ASIC2: variants seen among roughly 807,000 people sequenced by gnomAD.
The protein encoded by ASIC2 is acid-sensing ion channel 2.
In ASIC2, 25 loss-of-function variants were observed where a neutral mutation model predicts 57.3. That is an observed-to-expected ratio of 0.44 (90% CI 0.32 to 0.61). The LOEUF (loss-of-function observed/expected upper bound fraction) is 0.61. Among genes scored for constraint, ASIC2 ranks in the 20% least tolerant of loss-of-function variants. ASIC2 has a pLI of 0.06. For missense variants in ASIC2, 641 were observed against 738.1 expected (o/e 0.87, Z 1.52); for synonymous variants, 319 against 307.5 (o/e 1.04, Z -0.39).
At chr17:33,886,128 T>A (rs1008500408) in intron 1 of ASIC2, among the ~76,000 whole-genome samples, 1 of 152,230 alleles carries the variant, frequency 6.6e-6, no homozygotes, top group Non-Finnish European at 1.5e-5. Flanking sequence ...AAGACCTATT[T>A]CTCACTTATT....
chr17:33,653,119 C>G (rs1426742635), intron 1 of ASIC2, among the ~76,000 whole-genome samples: 3 of 152,206 alleles, frequency 2.0e-5, no homozygotes, highest in African/African-American at 4.8e-5. Context: ...GCTTTACACG[C>G]TAAGCTTTAT....
At chr17:33,744,414 A>G (rs1372518541) in intron 1 of ASIC2, among the ~76,000 whole-genome samples, 1 of 152,236 alleles carries the variant, frequency 6.6e-6, no homozygotes, top group African/African-American at 2.4e-5. Flanking sequence ...GTAAACAAGC[A>G]TCCAAAGAGA....
chr17:33,352,134 A>G (rs1187378016), intron 1 of ASIC2, among the ~76,000 whole-genome samples: 1 of 152,074 alleles, frequency 6.6e-6, no homozygotes, highest in Non-Finnish European at 1.5e-5. Context: ...CCCTCTGAGC[A>G]TGGTTCCTCA....
chr17:33,257,376 G>A (rs549991085), intron 1 of ASIC2, among the ~76,000 whole-genome samples: 2 of 152,294 alleles, frequency 1.3e-5, no homozygotes, highest in East Asian at 1.9e-4. Flanking sequence ...TCTCAATCAA[G>A]CAATATTTTC....
rs1916648743 is a variant in ASIC2, at chr17:33,577,112, G to T, written c.556-465045C>A. Among the ~76,000 whole-genome samples, 2 of 152,038 alleles carry T rather than the reference G, an allele frequency of 1.3e-5. 1 individual carries two copies. Among genetic ancestry groups the T allele is most frequent in the South Asian group, 4.2e-4 (2 of 4,812 alleles). On this transcript the variant is annotated intron_variant, in intron 1 of 9. Coordinates refer to the ASIC2 transcript ENST00000359872. ...CTTCCTCTGGCCAGAATACCCAACTGCTAGGGCTTGAGAAGACAATGTTGA... is the reference window on the plus strand; with the variant it reads ...CTTCCTCTGGCCAGAATACCCAACTTCTAGGGCTTGAGAAGACAATGTTGA...
chr17:33,545,993 C>G lies in ASIC2; in HGVS notation c.556-433926G>C, dbSNP rs568681881. 1.6e-4 allele frequency among the ~76,000 whole-genome samples: 24 copies of G among 152,144 alleles called. No individual in the cohort carries two copies. In the South Asian group the frequency reaches 4.4e-3, roughly 28 times the overall value. ...TCTGGAATTCTGTTTATGCTTTTGT[C>G]TAGAATTCCTTCTCTTCCTTGTTCC... On this transcript the variant is annotated intron_variant, in intron 1 of 9. Coordinates refer to the ASIC2 transcript ENST00000359872.
intron 1 of ASIC2, among the ~76,000 whole-genome samples, chr17:33,815,260 A>T (rs1434870952): frequency 6.6e-6 from 1 of 152,150 alleles, no homozygotes; most frequent in Non-Finnish European, 1.5e-5. Flanking sequence ...TCTTCCTAGG[A>T]AACTGGCCAA....
At chr17:33,380,264 A>AG (rs1339674927) in intron 1 of ASIC2, among the ~76,000 whole-genome samples, 5 of 147,298 alleles carry the variant, frequency 3.4e-5, no homozygotes, top group African/African-American at 1.0e-4. Context: ...AAAAAAAAAA[A>AG]AAAAGAAAGA....
chr17:33,773,678 A>G (rs1281587135), intron 1 of ASIC2, among the ~76,000 whole-genome samples: 4 of 144,140 alleles, frequency 2.8e-5, no homozygotes, highest in Non-Finnish European at 4.6e-5. Flanking sequence ...TTTTTGAGAC[A>G]GAGTCTCACT....
chr17:33,435,261 G>A (rs74661240), intron 1 of ASIC2, among the ~76,000 whole-genome samples: 5,615 of 152,230 alleles, frequency 0.037, 151 homozygotes, highest in Non-Finnish European at 0.054. Context: ...TCCCACTAGA[G>A]GGAATCAGGA....
chr17:33,129,829 G>A (rs2142005349), intron 1 of ASIC2, among the ~76,000 whole-genome samples: 1 of 152,350 alleles, frequency 6.6e-6, no homozygotes, highest in East Asian at 1.9e-4. Flanking sequence ...GTTAGATGGA[G>A]GTTGTTAGGT....
Position 33,539,943 on chromosome 17 carries a change from G to A in ASIC2, c.556-427876C>T, listed in dbSNP as rs766378519. On this transcript the variant is annotated intron_variant, in intron 1 of 9. Coordinates refer to the ASIC2 transcript ENST00000359872. ...AGGGGCAGGGACAGCGGAGTGTTCCGGGCCAAGAAACAGCATTTGTAAGAG... is the reference window on the plus strand; with the variant it reads ...AGGGGCAGGGACAGCGGAGTGTTCCAGGCCAAGAAACAGCATTTGTAAGAG... Among the ~76,000 whole-genome samples the A allele has an allele frequency of 7.9e-5, 12 of 152,284 alleles. No individual in the cohort carries two copies. The South Asian group carries it at 8.3e-4, about 11-fold the overall frequency.
chr17:33,468,233 A>G lies in ASIC2; in HGVS notation c.556-356166T>C, dbSNP rs530668129. ...CAAGTTTCCAGAATATTATTGGCCA[A>G]ATGAGTAAATAAATCAGCCATCAAA... On this transcript the variant is annotated intron_variant, in intron 1 of 9. Transcript: ENST00000359872. Among the ~76,000 whole-genome samples, 13 of 152,326 alleles carry G rather than the reference A, an allele frequency of 8.5e-5. No individual in the cohort carries two copies. The South Asian group carries it at 2.3e-3, about 27-fold the overall frequency.
intron 1 of ASIC2, among the ~76,000 whole-genome samples, chr17:33,579,564 C>G (rs1220606554): frequency 2.0e-5 from 3 of 152,168 alleles, no homozygotes; most frequent in Admixed American, 2.0e-4. Flanking sequence ...AGGGCAGACC[C>G]TACTGGTGAG....
intron 1 of ASIC2, among the ~76,000 whole-genome samples, chr17:33,828,812 C>A (rs1171306718): frequency 6.6e-6 from 1 of 152,196 alleles, no homozygotes; most frequent in African/African-American, 2.4e-5. Context: ...ATTCTGACAA[C>A]CAGACCAGTC....
rs182457243 is a variant in ASIC2 at position 33,579,765 on chromosome 17, C to T, written c.556-467698G>A. On this transcript the variant is annotated intron_variant, in intron 1 of 9. Coordinates refer to the ASIC2 transcript ENST00000359872. Reference sequence around the variant, plus strand: ...ACACTAAACAGCAGCAAAACTCATTCAGAAGAGCAAAAGAACAAACTACCA... The same window carrying T: ...ACACTAAACAGCAGCAAAACTCATTTAGAAGAGCAAAAGAACAAACTACCA... Among the ~76,000 whole-genome samples, 48 of 152,262 alleles carry T rather than the reference C, an allele frequency of 3.2e-4. No individual in the cohort carries two copies. The South Asian group carries it at 3.3e-3, about 11-fold the overall frequency.
chr17:33,996,288 C>T (rs1906158732), intron 1 of ASIC2, among the ~76,000 whole-genome samples: 1 of 152,004 alleles, frequency 6.6e-6, no homozygotes, highest in Non-Finnish European at 1.5e-5. Context: ...ATATTTTATC[C>T]CATTCTGTAG....
chr17:33,721,493 G>T (rs887495052), intron 1 of ASIC2, among the ~76,000 whole-genome samples: 73 of 152,274 alleles, frequency 4.8e-4, no homozygotes, highest in African/African-American at 1.8e-3. Context: ...TGCTTGAGAA[G>T]GTGGCCTCAT....
intron 1 of ASIC2, among the ~76,000 whole-genome samples, chr17:33,909,665 T>A (rs904345809): frequency 6.6e-6 from 1 of 152,174 alleles, no homozygotes; most frequent in Non-Finnish European, 1.5e-5. Context: ...TAACCACAAC[T>A]CAGAGGTGAA....
Sources: allele counts gnomAD v4.1 joint callset (sites outside exome capture counted in the v4.1 genomes callset), GRCh38; gene constraint gnomAD v4.1.1; transcripts MANE v1.5; gene names NCBI Gene and HGNC (gene_info 2026-07-23, HGNC 2026-07-21).